The following TNRC6B variants were observed in gnomAD, a reference collection of about 807,000 sequenced individuals.
The protein encoded by TNRC6B is trinucleotide repeat-containing gene 6B protein.
TNRC6B carries 52 observed loss-of-function variants against 203.6 expected under a neutral mutation model. The observed-to-expected ratio is 0.26, with a 90% CI of 0.20 to 0.32. The LOEUF (loss-of-function observed/expected upper bound fraction) is 0.32. Among genes scored for constraint, TNRC6B ranks in the 10% least tolerant of loss-of-function variants. The probability of loss-of-function intolerance (pLI) is 1.00; values close to 1 mark genes in which losing one functional copy is unlikely to be tolerated. For missense variants in TNRC6B, 1,923 were observed against 2,286.2 expected (o/e 0.84, Z 3.24); for synonymous variants, 838 against 845.7 (o/e 0.99, Z 0.16).
At position 40,261,966 on chromosome 22, in the gene TNRC6B, G is replaced by A. The variant is rs761481548; in HGVS notation, c.250G>A (p.Ala84Thr). Residue 84 changes from alanine to threonine, a missense_variant, in exon 4 of 23, where the codon GCC becomes ACC. This residue lies in a region of TNRC6B where 111 missense variants were observed against 155.3 expected (regional missense o/e 0.71). Coordinates refer to ENST00000454349, the MANE Select transcript of TNRC6B (RefSeq NM_001162501.2). ...GCCGAACGGACAACCGCCAAGCGCC[G>A]CCCGCTACATGCCTCGGGAGGTGCC... ...AVPNGQPPSA[A>T]RYMPREVPPR... 13 of 1,612,374 alleles carry A rather than the reference G, an allele frequency of 8.1e-6. No individual in the cohort carries two copies. The highest frequency in any genetic ancestry group is 1.3e-5 in the African/African-American group (1 of 74,878).
At chr22:40,090,601 G>A (rs6001753) in intron 1 of TNRC6B, among the ~76,000 whole-genome samples, 10,557 of 152,064 alleles carry the variant, frequency 0.069, 1,144 homozygotes, top group African/African-American at 0.23. Context: ...TTTATCAGAT[G>A]TATCTTTGTA....
upstream of TNRC6B, among the ~76,000 whole-genome samples, chr22:40,173,797 T>TATATATATAA (rs2069029070): frequency 2.3e-5 from 1 of 43,278 alleles, no homozygotes; most frequent in Non-Finnish European, 4.0e-5. Context: ...ATATATATTT[T>TATATATATAA]TTTTTTTTTT....
At chr22:40,152,111 A>G (rs1011445706) in intron 3 of TNRC6B, among the ~76,000 whole-genome samples, 1 of 152,190 alleles carries the variant, frequency 6.6e-6, no homozygotes, top group Non-Finnish European at 1.5e-5. Context: ...GGATAAATGA[A>G]AGCTCCTAAA....
chr22:40,271,025 A>G (rs981033050), intron 6 of TNRC6B, among the ~76,000 whole-genome samples: 66 of 152,220 alleles, frequency 4.3e-4, no homozygotes, highest in African/African-American at 1.6e-3. Flanking sequence ...TCTTCCACAT[A>G]AGAGCATTTC....
chr22:40,283,248 C>T (rs1325090063), intron 11 of TNRC6B, among the ~76,000 whole-genome samples: 4 of 152,088 alleles, frequency 2.6e-5, no homozygotes, highest in South Asian at 2.1e-4. Flanking sequence ...CCATGTTAGC[C>T]GGGATGGTCT....
intron 1 of TNRC6B, among the ~76,000 whole-genome samples, chr22:40,102,796 T>G (rs570522985): frequency 7.0e-6 from 1 of 142,654 alleles, no homozygotes; most frequent in Admixed American, 6.7e-5. Context: ...ATAAAAAAAT[T>G]GACTGCGCGT....
chr22:40,200,307 CAAG>C (rs1342491652), intron 1 of TNRC6B, among the ~76,000 whole-genome samples: 1 of 49,380 alleles, frequency 2.0e-5, no homozygotes, highest in Non-Finnish European at 3.6e-5. Context: ...TTTTTTGAGA[CAAG>C]AGCTTCACTC....
chr22:40,233,030 C>T (rs1300260389), intron 1 of TNRC6B, among the ~76,000 whole-genome samples: 1 of 152,016 alleles, frequency 6.6e-6, no homozygotes, highest in Non-Finnish European at 1.5e-5. Flanking sequence ...CGCCTATAGT[C>T]CCAGCTACTC....
rs909470829 is a variant in TNRC6B at position 40,321,131 on chromosome 22, C to A, written c.5016C>A (p.Gly1672=). The stretch of plus-strand genomic sequence containing the variant: ...TGAGAACGATCTGCATGCAGCATGG[C>A]CCACTGCTGACATTCCATCTGAATC... ...STLRTICMQH[G]PLLTFHLNLT... The change falls in exon 22 of 23, where the codon GGC becomes GGA. Residue 1672 remains glycine (G), a synonymous_variant. Transcript: ENST00000454349. 1 of 1,613,836 alleles carries A rather than the reference C, an allele frequency of 6.2e-7. No homozygotes were observed. The highest frequency in any genetic ancestry group is 8.5e-7 in the Non-Finnish European group (1 of 1,179,864).
At position 40,276,257 on chromosome 22, in the gene TNRC6B, GA is replaced by G. The variant is rs2070642951; in HGVS notation, c.3142-818del. Among the ~76,000 whole-genome samples the G allele has an allele frequency of 2.0e-5, 3 of 151,786 alleles. No homozygotes were observed. The South Asian group carries it at 6.2e-4, about 32-fold the overall frequency. ...AGCTACTCGGGAGGCTGAGGCAGGA[GA>G]ATGGCGTGAGCCCGGGAGGCAAAGC... On this transcript the variant is annotated intron_variant, in intron 7 of 22. Coordinates refer to ENST00000454349, the MANE Select transcript of TNRC6B (RefSeq NM_001162501.2).
At chr22:40,192,548 C>T (rs992375769) in intron 1 of TNRC6B, among the ~76,000 whole-genome samples, 4 of 152,142 alleles carry the variant, frequency 2.6e-5, no homozygotes, top group East Asian at 1.9e-4. Context: ...ATCCAGGAGA[C>T]GGAGGCTGCA....
intron 3 of TNRC6B, among the ~76,000 whole-genome samples, chr22:40,131,594 C>T (rs1017040794): frequency 3.9e-5 from 6 of 152,156 alleles, no homozygotes; most frequent in African/African-American, 1.4e-4. Flanking sequence ...GTGCTAGGAA[C>T]TGTGTTGGGT....
intron 1 of TNRC6B, among the ~76,000 whole-genome samples, chr22:40,234,670 A>T (rs191217872): frequency 1.7e-4 from 26 of 152,348 alleles, no homozygotes; most frequent in Admixed American, 1.4e-3. Flanking sequence ...ACATAATAAA[A>T]TTGAAGGCAG....
intron 1 of TNRC6B, among the ~76,000 whole-genome samples, chr22:40,106,036 G>T (rs1469056912): frequency 6.6e-6 from 1 of 152,054 alleles, no homozygotes; most frequent in African/African-American, 2.4e-5. Flanking sequence ...GAGACTAGAT[G>T]CCTTTTCCTA....
intron 1 of TNRC6B, among the ~76,000 whole-genome samples, chr22:40,191,991 T>TC (rs2069280921): frequency 6.6e-6 from 1 of 152,210 alleles, no homozygotes; most frequent in African/African-American, 2.4e-5. Context: ...CCTCAAGTGA[T>TC]CCACCTGCCT....
intron 18 of TNRC6B, 115 bp downstream of exon 18, chr22:40,312,766 G>A: frequency 6.7e-7 from 1 of 1,489,986 alleles, no homozygotes; most frequent in Non-Finnish European, 9.2e-7. Context: ...AATGTAAAAA[G>A]ATTGCTTTTC....
At chr22:40,320,446 C>G (rs2071320119) in intron 21 of TNRC6B, among the ~76,000 whole-genome samples, 1 of 152,174 alleles carries the variant, frequency 6.6e-6, no homozygotes, top group Non-Finnish European at 1.5e-5. Flanking sequence ...TGCCACTGCA[C>G]TCCAGCCTGG....
At chr22:40,306,015 G>A (rs1320860249) in intron 15 of TNRC6B, among the ~76,000 whole-genome samples, 1 of 152,098 alleles carries the variant, frequency 6.6e-6, no homozygotes, top group East Asian at 1.9e-4. Flanking sequence ...TTCACTGGCT[G>A]GGCGCGGTGG....
chr22:40,254,770 C>T (rs560786842), intron 3 of TNRC6B, among the ~76,000 whole-genome samples: 2 of 152,130 alleles, frequency 1.3e-5, no homozygotes, highest in East Asian at 3.9e-4. Flanking sequence ...GCCTGTAGTC[C>T]CAACTACTCA....
Sources: allele counts gnomAD v4.1 joint callset (sites outside exome capture counted in the v4.1 genomes callset), GRCh38; gene constraint gnomAD v4.1.1; regional missense constraint gnomAD v4.1.1; transcripts MANE v1.5; gene names NCBI Gene and HGNC (gene_info 2026-07-23, HGNC 2026-07-21).